Variants in PHF20 observed in about 807,000 individuals in gnomAD.
The protein encoded by PHF20 is glioma-expressed antigen 2.
Under a neutral mutation model 113.5 loss-of-function variants are expected in PHF20, and 23 were observed. The ratio of observed to expected loss-of-function variants is 0.20; its 90% CI spans 0.15 to 0.29. The LOEUF (loss-of-function observed/expected upper bound fraction) is 0.29, where lower values mean the gene tolerates loss of function less well. PHF20 is among the 10% of genes least tolerant of loss of function. The pLI, the probability that PHF20 is intolerant of heterozygous loss-of-function variation, is 1.00. For missense variants in PHF20, 943 were observed against 1,219.6 expected, an observed-to-expected ratio of 0.77 and a Z score of 3.38; for synonymous variants, 434 against 457.3, an observed-to-expected ratio of 0.95 and a Z score of 0.65.
chr20:35,841,950 T>G (rs989765480), intron 2 of PHF20, among the ~76,000 whole-genome samples: 1 of 152,206 alleles, frequency 6.6e-6, no homozygotes, highest in African/African-American at 2.4e-5. Flanking sequence ...TCTTGTGTGC[T>G]CAAGTCTTCT....
At chr20:35,889,019 T>C (rs1041638278) in intron 9 of PHF20, among the ~76,000 whole-genome samples, 1 of 134,068 alleles carries the variant, frequency 7.5e-6, no homozygotes, top group Non-Finnish European at 1.7e-5. Flanking sequence ...CTTTTTTTTT[T>C]TTTTTTTTTT....
chr20:35,883,927 G>A (rs1041309443), intron 9 of PHF20, among the ~76,000 whole-genome samples: 1 of 152,206 alleles, frequency 6.6e-6, no homozygotes, highest in Non-Finnish European at 1.5e-5. Context: ...AAGAGGCTTA[G>A]TAGGGTGGCT....
chr20:35,835,813 C>G (rs2042429529), intron 2 of PHF20, among the ~76,000 whole-genome samples: 1 of 151,938 alleles, frequency 6.6e-6, no homozygotes. Flanking sequence ...ACCTGTAGTC[C>G]CAGCTACTGG....
At chr20:35,929,570 C>T (rs779779983) in intron 14 of PHF20, among the ~76,000 whole-genome samples, 1 of 152,278 alleles carries the variant, frequency 6.6e-6, no homozygotes, top group African/African-American at 2.4e-5. Context: ...CTGCCTGCAG[C>T]AGCTGCCTCT....
At chr20:35,899,272 C>G (rs527892718) in intron 9 of PHF20, 98 bp from the exon 10 acceptor site, 1 of 976,522 alleles carries the variant, frequency 1.0e-6, no homozygotes, top group Non-Finnish European at 1.5e-6. Flanking sequence ...TACATTTGCA[C>G]GCTAGTCTTT....
intron 9 of PHF20, among the ~76,000 whole-genome samples, chr20:35,873,479 T>C (rs2146995305): frequency 6.7e-6 from 1 of 149,012 alleles, no homozygotes; most frequent in East Asian, 2.0e-4. Flanking sequence ...TTTTTTTTTT[T>C]TTTTTTTAAG....
chr20:35,891,598 A>G (rs1416546512), intron 9 of PHF20, among the ~76,000 whole-genome samples: 1 of 152,162 alleles, frequency 6.6e-6, no homozygotes, highest in Admixed American at 6.5e-5. Context: ...CTTGGTTTGC[A>G]TGTGGGAACA....
Position 35,914,133 on chromosome 20 carries a change from C to T in PHF20, c.1761C>T (p.Val587=), listed in dbSNP as rs771684770. ...GTGGGTCCTCACACAAGCCAGGGGT[C>T]CATATGAGCCCGCAGCTTCATGGCC... ...TRCGSSHKPG[V]HMSPQLHGPE... Residue 587 remains valine, a synonymous_variant, in exon 12 of 18, where the codon GTC becomes GTT. Transcript: ENST00000374012. 2 of 1,614,146 alleles carry T rather than the reference C, an allele frequency of 1.2e-6. No individual in the cohort carries two copies. The highest frequency in any genetic ancestry group is 2.2e-5 in the South Asian group (2 of 91,086).
intron 2 of PHF20, among the ~76,000 whole-genome samples, chr20:35,810,578 A>G (rs2041959591): frequency 6.6e-6 from 1 of 152,136 alleles, no homozygotes; most frequent in Admixed American, 6.6e-5. Context: ...GCAGTAAGAA[A>G]AAGGAGTCTC....
chr20:35,814,872 C>CAAAAAAAA (rs761940820), intron 2 of PHF20, among the ~76,000 whole-genome samples: 5 of 52,222 alleles, frequency 9.6e-5, no homozygotes, highest in Non-Finnish European at 1.6e-4. Context: ...GACTCCGTCT[C>CAAAAAAAA]AAAAAAAAAA....
At chr20:35,876,967 C>T (rs1242514248) in intron 9 of PHF20, among the ~76,000 whole-genome samples, 34 of 151,318 alleles carry the variant, frequency 2.2e-4, no homozygotes, top group Non-Finnish European at 7.4e-5. Flanking sequence ...ATTGGCCGGG[C>T]GTGGTGGCTG....
chr20:35,900,469 C>A (rs1262775690), intron 10 of PHF20, among the ~76,000 whole-genome samples: 2 of 152,170 alleles, frequency 1.3e-5, no homozygotes, highest in Admixed American at 6.5e-5. Flanking sequence ...CTAAGGTGAA[C>A]TCTGACCCTC....
At chr20:35,810,900 C>G (rs934566240) in intron 2 of PHF20, among the ~76,000 whole-genome samples, 6 of 152,084 alleles carry the variant, frequency 3.9e-5, no homozygotes, top group African/African-American at 1.4e-4. Flanking sequence ...TGTTTTCACC[C>G]TGGTAAGTGA....
In PHF20 at chr20:35,931,284, G is replaced by A. The variant is rs2055747305; in HGVS notation, c.2140G>A (p.Glu714Lys). 1 of 1,613,688 alleles carries A rather than the reference G, an allele frequency of 6.2e-7. No homozygotes were observed. The highest frequency in any genetic ancestry group is 1.3e-5 in the African/African-American group (1 of 75,038). ...RPGFKYWYDKEWLSRGHMHGL... is the reference protein window; with the variant it reads ...RPGFKYWYDKKWLSRGHMHGL... ...TGGCTTCAAGTACTGGTATGACAAG[G>A]AGTGGCTGAGCAGGGGACATATGCA... Residue 714 changes from glutamate (E) to lysine (K), a missense_variant, in exon 15 of 18, where the codon GAG becomes AAG. Physicochemically the swap from Glu to Lys is moderately conservative, Grantham distance 56. Around this residue, in one of 3 missense-constraint regions of PHF20, gnomAD observed 349 missense variants for 412.3 expected, o/e 0.85. Coordinates refer to ENST00000374012, the MANE Select transcript of PHF20 (RefSeq NM_016436.5).
At chr20:35,813,116 C>T (rs1211165748) in intron 2 of PHF20, among the ~76,000 whole-genome samples, 3 of 152,144 alleles carry the variant, frequency 2.0e-5, no homozygotes, top group Middle Eastern at 3.4e-3. Context: ...TACAGGCGCC[C>T]GCCACCACGC....
chr20:35,839,136 G>A (rs2042495823), intron 2 of PHF20, among the ~76,000 whole-genome samples: 1 of 151,752 alleles, frequency 6.6e-6, no homozygotes, highest in Non-Finnish European at 1.5e-5. Flanking sequence ...CACACCTGTA[G>A]TACCAGCACT....
At chr20:35,803,412 C>T (rs2041821906) in intron 2 of PHF20, among the ~76,000 whole-genome samples, 2 of 150,846 alleles carry the variant, frequency 1.3e-5, no homozygotes, top group Admixed American at 6.6e-5. Flanking sequence ...CAGTCTTTGC[C>T]TCCTAGGTTC....
At chr20:35,900,721 G>C (rs532872131) in intron 10 of PHF20, among the ~76,000 whole-genome samples, 1 of 151,890 alleles carries the variant, frequency 6.6e-6, no homozygotes, top group East Asian at 1.9e-4. Flanking sequence ...CCTGTAATCC[G>C]AGCTACTCTG....
rs554965436 is a variant in PHF20 at position 35,801,508 on chromosome 20, C to T, written c.-15C>T. 32 of 1,600,222 alleles carry T rather than the reference C, an allele frequency of 2.0e-5. No individual in the cohort carries two copies. In the East Asian group the frequency reaches 2.9e-4, roughly 15 times the overall value. On this transcript the variant is annotated 5_prime_UTR_variant, in exon 2 of 18. Transcript: ENST00000374012. ...TTTTTCAGGAGAATAAAGGCAGCCC[C>T]GTTGATGACTGAAAATGACAAAGCA... is the stretch of plus-strand genomic sequence containing the variant.
Sources: allele counts gnomAD v4.1 joint callset (sites outside exome capture counted in the v4.1 genomes callset), GRCh38; gene constraint gnomAD v4.1.1; regional missense constraint gnomAD v4.1.1; transcripts MANE v1.5; gene names NCBI Gene and HGNC (gene_info 2026-07-23, HGNC 2026-07-21).